The following PICALM variants were observed in gnomAD, a reference collection of about 807,000 sequenced individuals.
The protein encoded by PICALM is phosphatidylinositol-binding clathrin assembly protein.
PICALM carries 40 observed loss-of-function variants against 80.5 expected under a neutral mutation model. That is an observed-to-expected ratio of 0.50 (90% confidence interval 0.39 to 0.65). The LOEUF is 0.65. Ranked by LOEUF, PICALM falls within the 30% of genes least tolerant of loss-of-function variation. The pLI is 0.00. For missense variants in PICALM, 676 were observed against 778.9 expected (o/e 0.87, Z 1.57); for synonymous variants, 288 against 260.3 (o/e 1.11, Z -1.02).
intron 19 of PICALM, among the ~76,000 whole-genome samples, chr11:85,973,660 T>A (rs2094180998): frequency 6.6e-6 from 1 of 152,170 alleles, no homozygotes; most frequent in Non-Finnish European, 1.5e-5. Context: ...AAGAGGGGAC[T>A]ACCGTGCACA....
chr11:86,007,663 A>G (rs976887399), intron 7 of PICALM, 80 bp from the exon 8 acceptor site: 10 of 472,108 alleles, frequency 2.1e-5, no homozygotes, highest in African/African-American at 1.9e-4. Context: ...CATCACGGCT[A>G]GTACCAGTAA....
chr11:86,000,926 A>G (rs2095125248), intron 10 of PICALM, 109 bp downstream of exon 10: 3 of 1,480,794 alleles, frequency 2.0e-6, no homozygotes, highest in South Asian at 1.3e-5. Flanking sequence ...ACTGAGTTTC[A>G]GCCCATTAGG....
chr11:85,957,833 C>T lies in PICALM; in HGVS notation c.*1213G>A, dbSNP rs2093572340. 3 of 223,224 alleles carry T rather than the reference C, an allele frequency of 1.3e-5. No homozygotes were observed. The highest frequency in any genetic ancestry group is 2.7e-5 in the Non-Finnish European group (3 of 111,590). The allele number at this position is 223,224 out of a possible 1,614,324, so 13.8% of individuals were successfully genotyped here. Reference sequence around the variant, plus strand: ...TGCTTTCCTACAATGAACTGTCCTTCTTAAGGCCCCTCTCCACCCAAATGT... The same window carrying T: ...TGCTTTCCTACAATGAACTGTCCTTTTTAAGGCCCCTCTCCACCCAAATGT... On this transcript the variant is annotated 3_prime_UTR_variant, in exon 20 of 20. Coordinates refer to ENST00000393346, the MANE Select transcript of PICALM (RefSeq NM_007166.4).
intron 4 of PICALM, among the ~76,000 whole-genome samples, chr11:86,016,604 G>C (rs745821945): frequency 6.6e-6 from 1 of 152,088 alleles, no homozygotes; most frequent in Non-Finnish European, 1.5e-5. Flanking sequence ...TATCCTGGCT[G>C]AGCAAACACC....
chr11:86,045,657 G>A (rs993554293), intron 1 of PICALM, among the ~76,000 whole-genome samples: 1 of 149,764 alleles, frequency 6.7e-6, no homozygotes, highest in South Asian at 2.1e-4. Context: ...ATTTTATATA[G>A]ATCTATATTT....
intron 14 of PICALM, among the ~76,000 whole-genome samples, chr11:85,983,598 C>G (rs1255256292): frequency 6.6e-6 from 1 of 152,162 alleles, no homozygotes; most frequent in African/African-American, 2.4e-5. Flanking sequence ...TCACAAGCAA[C>G]TTAGCATTCT....
At chr11:86,022,920 C>T (rs1449642785) in intron 3 of PICALM, among the ~76,000 whole-genome samples, 5 of 151,902 alleles carry the variant, frequency 3.3e-5, no homozygotes, top group African/African-American at 1.2e-4. Context: ...TATGTGCCAA[C>T]CTTATAAAAA....
intron 1 of PICALM, among the ~76,000 whole-genome samples, chr11:86,039,401 C>T (rs573173855): frequency 2.0e-5 from 3 of 151,780 alleles, no homozygotes; most frequent in African/African-American, 7.3e-5. Flanking sequence ...CACTCTGTGT[C>T]TAAAAAAAAA....
intron 4 of PICALM, among the ~76,000 whole-genome samples, chr11:86,019,744 T>C (rs540073492): frequency 3.9e-5 from 6 of 152,360 alleles, no homozygotes; most frequent in East Asian, 1.9e-4. Flanking sequence ...AATGGCAGCA[T>C]AGAACATTTA....
intron 1 of PICALM, among the ~76,000 whole-genome samples, chr11:86,051,584 C>G (rs2096188585): frequency 6.6e-6 from 1 of 152,156 alleles, no homozygotes; most frequent in Non-Finnish European, 1.5e-5. Context: ...TCACTTGAAC[C>G]TGGGAGGCAG....
chr11:85,978,331 T>G (rs868095153), intron 17 of PICALM: 1 of 363,418 alleles, frequency 2.8e-6, no homozygotes, highest in Middle Eastern at 7.7e-4. Context: ...GTTTATTGAT[T>G]ACAAGTACCA....
chr11:86,010,400 C>T (rs895728402), intron 7 of PICALM, among the ~76,000 whole-genome samples: 3 of 151,146 alleles, frequency 2.0e-5, no homozygotes, highest in African/African-American at 7.3e-5. Flanking sequence ...GATCTCAGCT[C>T]ACTGCAACCT....
intron 11 of PICALM, among the ~76,000 whole-genome samples, chr11:86,000,395 A>G (rs1380443145): frequency 1.3e-5 from 2 of 152,250 alleles, no homozygotes; most frequent in African/African-American, 4.8e-5. Context: ...AAGTTGGCCC[A>G]GAGATAACAG....
At chr11:86,066,459 G>C (rs757669228) in intron 1 of PICALM, among the ~76,000 whole-genome samples, 2 of 152,118 alleles carry the variant, frequency 1.3e-5, no homozygotes, top group Non-Finnish European at 2.9e-5. Flanking sequence ...AACGACAAAT[G>C]CAAGATTATC....
intron 9 of PICALM, among the ~76,000 whole-genome samples, chr11:86,002,601 T>C (rs1350130903): frequency 6.6e-6 from 1 of 152,226 alleles, no homozygotes; most frequent in East Asian, 1.9e-4. Flanking sequence ...CCCCATGAAC[T>C]GGCATTAGGC....
intron 17 of PICALM, among the ~76,000 whole-genome samples, chr11:85,980,282 C>G (rs1269757849): frequency 6.6e-6 from 1 of 152,202 alleles, no homozygotes; most frequent in Non-Finnish European, 1.5e-5. Context: ...GCAAGAAACT[C>G]TGACTCTGGG....
intron 13 of PICALM, among the ~76,000 whole-genome samples, chr11:85,985,234 A>G (rs139622244): frequency 6.0e-4 from 91 of 152,318 alleles, no homozygotes; most frequent in Non-Finnish European, 1.0e-3. Flanking sequence ...ATGCTGTACT[A>G]GAGAGACTGA....
At chr11:86,039,717 T>C (rs1380144560) in intron 1 of PICALM, among the ~76,000 whole-genome samples, 1 of 152,022 alleles carries the variant, frequency 6.6e-6, no homozygotes, top group African/African-American at 2.4e-5. Flanking sequence ...ATTGCAAAAT[T>C]GTGTTGGGTG....
At chr11:86,036,458 C>T (rs948458319) in intron 1 of PICALM, among the ~76,000 whole-genome samples, 2 of 152,080 alleles carry the variant, frequency 1.3e-5, no homozygotes, top group Admixed American at 1.3e-4. Context: ...TCTTCACAGG[C>T]TGACTTACAC....
Sources: allele counts gnomAD v4.1 joint callset (sites outside exome capture counted in the v4.1 genomes callset), GRCh38; gene constraint gnomAD v4.1.1; transcripts MANE v1.5; gene names NCBI Gene and HGNC (gene_info 2026-07-23, HGNC 2026-07-21).